Variants in CLUH observed in about 807,000 individuals in gnomAD.
CLUH encodes CLUH binding protein of NUMT mRNA, also known as clustered mitochondria protein homolog.
Under a neutral mutation model 139.3 loss-of-function variants are expected in CLUH, and 77 were observed. The ratio of observed to expected loss-of-function variants is 0.55; its 90% CI spans 0.46 to 0.67. The LOEUF (loss-of-function observed/expected upper bound fraction) is 0.67. CLUH is among the 30% of genes least tolerant of loss of function. The probability of loss-of-function intolerance (pLI) is 0.00; values close to 1 mark genes in which losing one functional copy is unlikely to be tolerated. For synonymous variants in CLUH, 999 were observed against 801.6 expected (o/e 1.25, Z -4.16); for missense variants, 1,876 against 1,875.8 (o/e 1.00, Z 0.00).
intron 1 of CLUH, chr17:2,710,903 C>G (rs1006914516): frequency 3.3e-5 from 5 of 152,540 alleles, no homozygotes; most frequent in African/African-American, 1.2e-4. Flanking sequence ...GAGTTTGGCT[C>G]TGCCCCATGC....
chr17:2,698,122 C>T lies in CLUH; in HGVS notation c.1735G>A (p.Glu579Lys), dbSNP rs754543242. Residue 579 changes from glutamate to lysine, a missense_variant, in exon 10 of 26, where the codon GAG becomes AAG. By Grantham distance (56) the Glu-to-Lys change is moderately conservative (BLOSUM62 1). Coordinates refer to ENST00000651024, the MANE Select transcript of CLUH (RefSeq NM_001366661.1). ...LRHQVLNDRD[E>K]EVELCSSVEC... ...ACCGAGGAGCAGAGCTCCACCTCCT[C>T]GTCACGGTCGTTGAGCACCTGGTGC... The T allele has an allele frequency of 6.3e-6, 10 of 1,592,844 alleles. No individual in the cohort carries two copies. The highest frequency in any genetic ancestry group is 4.6e-5 in the East Asian group (2 of 43,620).
At position 2,699,899 on chromosome 17, in the gene CLUH, G is replaced by C. The variant is rs543123508; in HGVS notation, c.1266+483C>G. On this transcript the variant is annotated intron_variant, in intron 9 of 25. Coordinates refer to ENST00000651024, the MANE Select transcript of CLUH (RefSeq NM_001366661.1). ...CCCGCCTCGGCCTCCCAAAGTGCTG[G>C]GATTACAGGCATGAGCTACTGAAGC... 2.6e-5 allele frequency among the ~76,000 whole-genome samples: 4 copies of C among 152,322 alleles called. No homozygotes were observed. The South Asian group carries it at 8.3e-4, about 32-fold the overall frequency.
chr17:2,692,007 C>G lies in CLUH; in HGVS notation c.3651G>C (p.Thr1217=), dbSNP rs1249580274. ...HEKEGYTIYK[T]QLGEDHEKTK... is the part of the protein sequence containing the mutation. ...CCGCCACGCCCCCGCCGCGCACCTG[C>G]GTCTTGTAGATGGTGTAACCCTCCT... The change falls in exon 23 of 26, where the codon ACG becomes ACC. Residue 1217 remains threonine, a synonymous_variant. Coordinates refer to ENST00000651024, the MANE Select transcript of CLUH (RefSeq NM_001366661.1). 6 of 1,531,770 alleles carry G rather than the reference C, an allele frequency of 3.9e-6. No homozygotes were observed. The South Asian group carries it at 7.1e-5, about 18-fold the overall frequency. The allele number at this position is 1,531,770 out of a possible 1,614,324, so 94.9% of individuals were successfully genotyped here. A position where few individuals can be genotyped will look rare whatever the true frequency, so the allele number is the denominator to read the frequency against.
rs765904131 is a variant in CLUH at position 2,690,606 on chromosome 17, G to A, written c.4035C>T (p.Ser1345=). ...QPPAAKDPSP[S]VQG ...TCTGGCTCCCTCTCTATCCCTGCAC[G>A]CTCGGAGAAGGGTCCTTGGCAGCCG... Residue 1345 remains serine (S), a synonymous_variant, in exon 26 of 26, where the codon AGC becomes AGT. Transcript: ENST00000651024. The A allele has an allele frequency of 2.5e-5, 37 of 1,486,972 alleles. No homozygotes were observed. In the Admixed American group the frequency reaches 3.6e-4, roughly 15 times the overall value. 92.1% of individuals were successfully genotyped at this position (1,486,972 alleles called of 1,614,324 possible).
rs574642504 is a variant in CLUH, at chr17:2,707,953, C to G, written c.101-3389G>C. ...CACCCGTGCCCCTGGCCTCCAGGCT[C>G]CATCAAGAAGCTGGCAGGCTCCATC... On this transcript the variant is annotated intron_variant, in intron 1 of 25. Transcript: ENST00000651024. The surrounding 1 kb of genome is among the most constrained non-coding windows in gnomAD (Gnocchi z 7.4). 1 of 985,320 alleles carries G rather than the reference C, an allele frequency of 1.0e-6. No homozygotes were observed. Among genetic ancestry groups the G allele is most frequent in the Non-Finnish European group, 1.2e-6 (1 of 829,926 alleles). The allele number at this position is 985,320 out of a possible 1,614,324, so 61.0% of individuals were successfully genotyped here.
chr17:2,689,771 T>C lies in CLUH; in HGVS notation c.*823A>G, dbSNP rs1353980389. ...CGGCACCTGTAACTCCCGGGATCCG[T>C]AATTGGGCCCCGCTTCCCCCAGCCT... On this transcript the variant is annotated 3_prime_UTR_variant, in exon 26 of 26. Transcript: ENST00000651024. 6.5e-6 allele frequency: 1 copy of C among 152,778 alleles called. No homozygotes were observed. Among genetic ancestry groups the C allele is most frequent in the African/African-American group, 2.4e-5 (1 of 41,402 alleles). The allele number at this position is 152,778 out of a possible 1,614,324, so 9.5% of individuals were successfully genotyped here. A position where few individuals can be genotyped will look rare whatever the true frequency, so the allele number is the denominator to read the frequency against.
chr17:2,697,767 T>C, intron 10 of CLUH, 129 bp downstream of exon 10: 2 of 907,222 alleles, frequency 2.2e-6, no homozygotes, highest in Non-Finnish European at 3.2e-6. Context: ...CTCCAATGAC[T>C]GTGGCTAGAC....
intron 1 of CLUH, among the ~76,000 whole-genome samples, chr17:2,709,764 T>A (rs1375074316): frequency 2.0e-5 from 3 of 152,070 alleles, no homozygotes; most frequent in Non-Finnish European, 4.4e-5. Flanking sequence ...GATGCTCAGG[T>A]GGGCCCCAGC....
In CLUH at chr17:2,706,582, C is replaced by T. The variant is rs573345967; in HGVS notation, c.101-2018G>A. ...AAAGACCTCCCTTCCAGGATCCAAC[C>T]GCCCCAGGAAGGGCACCCCCAATCC... On this transcript the variant is annotated intron_variant, in intron 1 of 25. Coordinates refer to ENST00000651024, the MANE Select transcript of CLUH (RefSeq NM_001366661.1). The surrounding 1 kb of genome is among the most constrained non-coding windows in gnomAD (Gnocchi z 4.6). Among the ~76,000 whole-genome samples the T allele has an allele frequency of 7.9e-5, 12 of 152,298 alleles. No homozygotes were observed. In the East Asian group the frequency reaches 1.7e-3, roughly 22 times the overall value.
Position 2,704,447 on chromosome 17 carries a change from G to T in CLUH, c.218C>A (p.Thr73Asn). ...GLDEAGPGDE[T>N]TGQEVIVIQD... is the part of the protein sequence containing the mutation. The stretch of plus-strand genomic sequence containing the variant: ...AATGACAATGACTTCCTGGCCGGTG[G>T]TCTCATCTCCCGGGCCGGCCTCGTC... Residue 73 changes from threonine (T) to asparagine (N), a missense_variant, in exon 2 of 26, where the codon ACC becomes AAC. Transcript: ENST00000651024. This position sits in a 1 kb window ranked among gnomAD's most constrained non-coding sequence, Gnocchi z 5.7. 1 of 1,608,040 alleles carries T rather than the reference G, an allele frequency of 6.2e-7. No individual in the cohort carries two copies. The highest frequency in any genetic ancestry group is 8.5e-7 in the Non-Finnish European group (1 of 1,177,528).
rs973132839 is a variant in CLUH at position 2,696,605 on chromosome 17, C to A, written c.2186-67G>T. 2.0e-6 allele frequency: 3 copies of A among 1,531,254 alleles called. No individual in the cohort carries two copies. In the African/African-American group the frequency reaches 4.1e-5, roughly 21 times the overall value. 94.9% of individuals were successfully genotyped at this position (1,531,254 alleles called of 1,614,324 possible). On this transcript the variant is annotated intron_variant, in intron 11 of 25. Coordinates refer to ENST00000651024, the MANE Select transcript of CLUH (RefSeq NM_001366661.1). ...ACCGGTGGAGCTGGGCTGCGCCAAGCCTCGCCCCCTAGCTCCTTGCAGAGA... is the reference window on the plus strand; with the variant it reads ...ACCGGTGGAGCTGGGCTGCGCCAAGACTCGCCCCCTAGCTCCTTGCAGAGA...
chr17:2,696,885 C>G lies in CLUH; in HGVS notation c.2019G>C (p.Gln673His). 6.2e-7 allele frequency: 1 copy of G among 1,612,190 alleles called. No homozygotes were observed. The highest frequency in any genetic ancestry group is 8.5e-7 in the Non-Finnish European group (1 of 1,179,332). Residue 673 changes from glutamine to histidine, a missense_variant, in exon 11 of 26, where the codon CAG (glutamine) becomes CAC (histidine). Gln to His is a conservative substitution (Grantham distance 24). This residue lies in a region of CLUH where 1,454 missense variants were observed against 1,384.4 expected (regional missense o/e 1.05). Transcript: ENST00000651024. Reference protein sequence around the residue: ...ALQLMQQNASQLETPSSLENG... With the variant: ...ALQLMQQNASHLETPSSLENG... The stretch of plus-strand genomic sequence containing the variant: ...TTTCCAGGGAGGAGGGGGTCTCCAG[C>G]TGGCTGGCGTTCTGCTGCATCAGCT...
chr17:2,692,746 G>A (rs1309310561), intron 20 of CLUH, 34 bp downstream of exon 20: 7 of 1,599,582 alleles, frequency 4.4e-6, no homozygotes, highest in Non-Finnish European at 6.0e-6. Flanking sequence ...CCAGCCCCTC[G>A]CATCCCCCGG....
At chr17:2,692,884 C>T in intron 19 of CLUH, 24 bp from the exon 20 acceptor site, 3 of 1,553,128 alleles carry the variant, frequency 1.9e-6, no homozygotes, top group Non-Finnish European at 1.7e-6. Context: ...GTGGTGGTTG[C>T]CGCGGCGTGG....
At position 2,701,406 on chromosome 17, in the gene CLUH, C is replaced by T. The variant is rs765646625; in HGVS notation, c.859G>A (p.Val287Ile). ...CCCCGTGTGGACGCGGTGATGCTGA[C>T]TTGCCGGTCCTCGGCTGTGATCACA... is the stretch of plus-strand genomic sequence containing the variant. The part of the protein sequence containing the change: ...LFVITAEDRQ[V>I]SITASTRGFY... Residue 287 changes from valine to isoleucine, a missense_variant, in exon 6 of 26, where the codon GTC (valine) becomes ATC (isoleucine). Physicochemically the swap from Val to Ile is conservative, Grantham distance 29. Coordinates refer to ENST00000651024, the MANE Select transcript of CLUH (RefSeq NM_001366661.1). The T allele has an allele frequency of 6.2e-7, 1 of 1,611,274 alleles. No individual in the cohort carries two copies. Among genetic ancestry groups the T allele is most frequent in the African/African-American group, 1.3e-5 (1 of 75,006 alleles).
At position 2,692,528 on chromosome 17, in the gene CLUH, G is replaced by C. The variant is rs1432362999; in HGVS notation, c.3438+43C>G. The C allele has an allele frequency of 3.1e-6, 5 of 1,599,698 alleles. No individual in the cohort carries two copies. In the African/African-American group the frequency reaches 6.7e-5, roughly 21 times the overall value. On this transcript the variant is annotated intron_variant, in intron 21 of 25. Transcript: ENST00000651024. ...GCCCTGGTCAGCTCCCGGTCCCCTGGGATGGAGCTGGGTCCCTGCCGCCCC... is the reference window on the plus strand; with the variant it reads ...GCCCTGGTCAGCTCCCGGTCCCCTGCGATGGAGCTGGGTCCCTGCCGCCCC...
In CLUH at chr17:2,690,626, C is replaced by A; in HGVS notation, c.4015G>T (p.Ala1339Ser). ...PGDLGSQPPA[A>S]KDPSPSVQG ...TGCACGCTCGGAGAAGGGTCCTTGG[C>A]AGCCGGGGGCTGGGAGCCCAGGTCT... The change falls in exon 26 of 26, where the codon GCC becomes TCC. Residue 1339 changes from alanine to serine, a missense_variant. Physicochemically the swap from Ala to Ser is moderately conservative, Grantham distance 99. Transcript: ENST00000651024. 6.6e-7 allele frequency: 1 copy of A among 1,503,890 alleles called. No individual in the cohort carries two copies. 93.2% of individuals were successfully genotyped at this position (1,503,890 alleles called of 1,614,324 possible). A position where few individuals can be genotyped will look rare whatever the true frequency, so the allele number is the denominator to read the frequency against.
At chr17:2,694,654 GGGCCCCCAACACTGCCCCACCC>G (rs2069858548) in intron 16 of CLUH, 90 bp from the exon 17 acceptor site, 6 of 1,300,294 alleles carry the variant, frequency 4.6e-6, no homozygotes, top group Non-Finnish European at 6.3e-6. Flanking sequence ...TGTCCAGCCC[GGGCCCCCAACACTGCCCCACCC>G]GGCCCCCGGG....
rs2070029619 is a variant in CLUH, at chr17:2,698,019, T to C, written c.1838A>G (p.Asn613Ser). ...CTCCTCGCCAGGCACGGGCAGGAAG[T>C]TGAGGTCCGGGGGGAAGGTGCGCAG... ...DLLRTFPPDL[N>S]FLPVPGEELP... Residue 613 changes from asparagine to serine, a missense_variant, in exon 10 of 26, where the codon AAC (asparagine) becomes AGC (serine). Physicochemically the swap from Asn to Ser is conservative, Grantham distance 46. Transcript: ENST00000651024. 3 of 1,603,580 alleles carry C rather than the reference T, an allele frequency of 1.9e-6. No homozygotes were observed. Among genetic ancestry groups the C allele is most frequent in the Non-Finnish European group, 1.7e-6 (2 of 1,178,582 alleles).
Sources: gnomAD v4.1 joint callset for allele counts (sites outside exome capture counted in the v4.1 genomes callset) on GRCh38, gnomAD v4.1.1 for gene constraint, gnomAD v4.1.1 regional missense constraint, Gnocchi (gnomAD v3.1) non-coding constraint, MANE v1.5 for transcripts, NCBI Gene and HGNC (gene_info 2026-07-23, HGNC 2026-07-21) for gene names.